Variants in EXOC6B observed in about 807,000 individuals in gnomAD.
The protein encoded by EXOC6B is SEC15 homolog B.
A neutral mutation model predicts 113.5 loss-of-function variants in EXOC6B; 54 were observed. The ratio of observed to expected loss-of-function variants is 0.48; its 90% CI spans 0.38 to 0.60. EXOC6B has a LOEUF of 0.60. Among genes scored for constraint, EXOC6B ranks in the 20% least tolerant of loss-of-function variants. The pLI is 0.00. For synonymous variants in EXOC6B, 357 were observed against 339.0 expected (o/e 1.05, Z -0.58); for missense variants, 797 against 977.5 (o/e 0.82, Z 2.46).
At chr2:72,316,245 A>T (rs890949818) in intron 20 of EXOC6B, among the ~76,000 whole-genome samples, 1 of 152,224 alleles carries the variant, frequency 6.6e-6, no homozygotes, top group Non-Finnish European at 1.5e-5. Flanking sequence ...GCAAGTATTT[A>T]GTCTAAAAAG....
chr2:72,373,064 C>CA (rs1691135438), intron 19 of EXOC6B, among the ~76,000 whole-genome samples: 1 of 136,394 alleles, frequency 7.3e-6, no homozygotes, highest in African/African-American at 2.7e-5. Context: ...TCTCGGAAGA[C>CA]TTTTTTTTTT....
At chr2:72,589,337 CTT>C (rs905615868) in intron 6 of EXOC6B, among the ~76,000 whole-genome samples, 1 of 151,900 alleles carries the variant, frequency 6.6e-6, no homozygotes, top group African/African-American at 2.4e-5. Context: ...CTTAGTAACT[CTT>C]TAATAATTAA....
intron 1 of EXOC6B, among the ~76,000 whole-genome samples, chr2:72,756,668 A>C (rs1244072522): frequency 6.6e-6 from 1 of 152,214 alleles, no homozygotes; most frequent in Non-Finnish European, 1.5e-5. Context: ...TATATTCACT[A>C]ACTCACTTAT....
At chr2:72,291,796 G>A (rs1262820955) in intron 20 of EXOC6B, among the ~76,000 whole-genome samples, 3 of 152,254 alleles carry the variant, frequency 2.0e-5, no homozygotes, top group East Asian at 3.9e-4. Flanking sequence ...CCTGCTTCTG[G>A]TTTAAATGAT....
intron 20 of EXOC6B, among the ~76,000 whole-genome samples, chr2:72,292,617 A>G (rs1029820579): frequency 2.6e-5 from 4 of 152,106 alleles, no homozygotes; most frequent in African/African-American, 9.7e-5. Flanking sequence ...CCATCACAAC[A>G]ATCAGAATAT....
Position 72,757,550 on chromosome 2 carries a change from C to T in EXOC6B, c.114-16081G>A, listed in dbSNP as rs536135618. ...GAGACCAATGAGCTTTGTTTCAAAG[C>T]AGTTTGTGTAAATTTCTCTTTGTCT... On this transcript the variant is annotated intron_variant, in intron 1 of 21. Coordinates refer to ENST00000272427, the MANE Select transcript of EXOC6B (RefSeq NM_015189.3). Among the ~76,000 whole-genome samples, 11 of 152,308 alleles carry T rather than the reference C, an allele frequency of 7.2e-5. No homozygotes were observed. The South Asian group carries it at 2.3e-3, about 32-fold the overall frequency.
chr2:72,817,143 G>T (rs997274861), intron 1 of EXOC6B, among the ~76,000 whole-genome samples: 9 of 152,054 alleles, frequency 5.9e-5, no homozygotes, highest in Non-Finnish European at 1.0e-4. Flanking sequence ...TTTGCTAAAT[G>T]TTAAGCTTTA....
At chr2:72,301,635 C>T (rs1686540139) in intron 20 of EXOC6B, among the ~76,000 whole-genome samples, 1 of 152,104 alleles carries the variant, frequency 6.6e-6, no homozygotes, top group Non-Finnish European at 1.5e-5. Flanking sequence ...TGTGCACATA[C>T]AGGTGTTCGT....
chr2:72,733,387 C>T lies in EXOC6B; in HGVS notation c.280-269G>A, dbSNP rs564123696. The stretch of plus-strand genomic sequence containing the variant: ...CTAAGCTACCATAATAACTAAAGAT[C>T]GCACTTTAACTTTGGGGAGACAAGA... On this transcript the variant is annotated intron_variant, in intron 2 of 21. Transcript: ENST00000272427. 1.2e-3 allele frequency among the ~76,000 whole-genome samples: 183 copies of T among 152,044 alleles called. 1 individual carries two copies. Among genetic ancestry groups the T allele is most frequent in the Middle Eastern group, 6.8e-3 (2 of 292 alleles).
chr2:72,775,792 T>C (rs911180785), intron 1 of EXOC6B, among the ~76,000 whole-genome samples: 3 of 152,148 alleles, frequency 2.0e-5, no homozygotes, highest in African/African-American at 4.8e-5. Context: ...AAAGGTACCA[T>C]AGCAATCATT....
intron 1 of EXOC6B, among the ~76,000 whole-genome samples, chr2:72,757,647 T>C (rs955052833): frequency 6.6e-6 from 1 of 152,210 alleles, no homozygotes; most frequent in Admixed American, 6.5e-5. Flanking sequence ...CACCCTAGGT[T>C]GCAAGCCTTT....
chr2:72,306,147 A>C (rs1686843833), intron 20 of EXOC6B, among the ~76,000 whole-genome samples: 1 of 152,204 alleles, frequency 6.6e-6, no homozygotes, highest in Non-Finnish European at 1.5e-5. Flanking sequence ...AAAAAAAGAG[A>C]TATTCATAAA....
intron 1 of EXOC6B, among the ~76,000 whole-genome samples, chr2:72,770,196 A>G (rs975589141): frequency 5.3e-5 from 8 of 152,216 alleles, no homozygotes; most frequent in African/African-American, 1.9e-4. Context: ...TAAGACAAAA[A>G]CAAGGTCAGA....
chr2:72,647,448 C>CA (rs1433892929), intron 6 of EXOC6B, among the ~76,000 whole-genome samples: 4 of 152,022 alleles, frequency 2.6e-5, no homozygotes, highest in Admixed American at 2.0e-4. Flanking sequence ...CATATGGAAC[C>CA]AAAAAAACAG....
At chr2:72,735,112 T>TA (rs1680865572) in intron 2 of EXOC6B, among the ~76,000 whole-genome samples, 1 of 152,204 alleles carries the variant, frequency 6.6e-6, no homozygotes, top group African/African-American at 2.4e-5. Flanking sequence ...CTATCCCCAT[T>TA]ACAGTAGTTA....
chr2:72,462,282 AG>A (rs1697735254), intron 18 of EXOC6B: 1 of 152,084 alleles, frequency 6.6e-6, no homozygotes, highest in Non-Finnish European at 1.5e-5. Context: ...ATATAAGAAA[AG>A]TTTATTTGTT....
chr2:72,752,407 A>G (rs921690767), intron 1 of EXOC6B, among the ~76,000 whole-genome samples: 1 of 152,080 alleles, frequency 6.6e-6, no homozygotes, highest in Non-Finnish European at 1.5e-5. Context: ...GGTGGGGGGA[A>G]GCTGATTTCT....
At chr2:72,559,715 G>A (rs139889474) in intron 7 of EXOC6B, among the ~76,000 whole-genome samples, 194 bp from the exon 8 acceptor site, 65 of 152,194 alleles carry the variant, frequency 4.3e-4, no homozygotes, top group Non-Finnish European at 6.6e-4. Flanking sequence ...TTAATAAACC[G>A]TGAAGATATA....
intron 20 of EXOC6B, among the ~76,000 whole-genome samples, chr2:72,312,997 G>A (rs1042437672): frequency 5.3e-5 from 8 of 152,042 alleles, no homozygotes; most frequent in African/African-American, 1.9e-4. Context: ...CTCCATTATT[G>A]CTAAATTGAT....
Sources: gnomAD v4.1 joint callset for allele counts (sites outside exome capture counted in the v4.1 genomes callset) on GRCh38, gnomAD v4.1.1 for gene constraint, MANE v1.5 for transcripts, NCBI Gene and HGNC (gene_info 2026-07-23, HGNC 2026-07-21) for gene names.